Variants in ZEB2 observed in about 807,000 individuals in gnomAD.
ZEB2 encodes the protein zinc finger E-box-binding homeobox 2.
In ZEB2, 6 loss-of-function variants were observed where a neutral mutation model predicts 99.9. The ratio of observed to expected loss-of-function variants is 0.06; its 90% CI spans 0.03 to 0.12. ZEB2 has a LOEUF of 0.12. Ranked by LOEUF, ZEB2 falls within the 10% of genes least tolerant of loss-of-function variation. The pLI is 1.00. For synonymous variants in ZEB2, 517 were observed against 542.5 expected, an observed-to-expected ratio of 0.95 and a Z score of 0.65; for missense variants, 969 against 1,502.8, an observed-to-expected ratio of 0.64 and a Z score of 5.87.
At position 144,385,139 on chromosome 2, in the gene ZEB2, T is replaced by C. The variant is rs940242232; in HGVS notation, c.*4312A>G. ...TTCAGAATTTATAGGAGTGCTTATA[T>C]AAGCGATAATAATTGGACCAGTGTC... is the stretch of plus-strand genomic sequence containing the variant. On this transcript the variant is annotated 3_prime_UTR_variant, in exon 10 of 10. Coordinates refer to ENST00000627532, the MANE Select transcript of ZEB2 (RefSeq NM_014795.4). 3 of 152,192 alleles carry C rather than the reference T, an allele frequency of 2.0e-5. No individual in the cohort carries two copies. The South Asian group carries it at 6.2e-4, about 31-fold the overall frequency. The allele number at this position is 152,192 out of a possible 1,614,324, so 9.4% of individuals were successfully genotyped here.
At chr2:144,434,802 T>C (rs1703815977) in intron 2 of ZEB2, among the ~76,000 whole-genome samples, 1 of 152,176 alleles carries the variant, frequency 6.6e-6, no homozygotes, top group African/African-American at 2.4e-5. Flanking sequence ...TTGGAAACAA[T>C]AGAGATAAAG....
At chr2:144,411,478 A>G (rs1225908432) in intron 4 of ZEB2, among the ~76,000 whole-genome samples, 1 of 152,212 alleles carries the variant, frequency 6.6e-6, no homozygotes, top group Non-Finnish European at 1.5e-5. Flanking sequence ...CATCATTAAA[A>G]GTGCATGTAT....
At chr2:144,504,549 T>G (rs1017657985) in intron 2 of ZEB2, 3 of 152,192 alleles carry the variant, frequency 2.0e-5, no homozygotes, top group South Asian at 2.1e-4. Context: ...CTGGGCTGAT[T>G]TGATGCAAAT....
intron 2 of ZEB2, among the ~76,000 whole-genome samples, chr2:144,460,848 C>G (rs758616905): frequency 4.6e-5 from 7 of 151,976 alleles, no homozygotes; most frequent in Admixed American, 2.6e-4. Context: ...GACAATCTGT[C>G]TGCCAAAAAT....
intron 2 of ZEB2, among the ~76,000 whole-genome samples, chr2:144,507,735 T>G (rs926998256): frequency 3.9e-5 from 6 of 152,216 alleles, no homozygotes; most frequent in African/African-American, 1.2e-4. Context: ...GACACAGTGA[T>G]CATCTTCCTT....
intron 2 of ZEB2, among the ~76,000 whole-genome samples, chr2:144,488,053 C>T (rs1025220374): frequency 6.6e-6 from 1 of 152,182 alleles, no homozygotes; most frequent in Non-Finnish European, 1.5e-5. Flanking sequence ...ATGGATGTAT[C>T]TAAAGCCAGG....
intron 5 of ZEB2, 56 bp from the exon 6 acceptor site, chr2:144,404,186 G>T: frequency 6.3e-7 from 1 of 1,585,214 alleles, no homozygotes; most frequent in Non-Finnish European, 8.6e-7. Flanking sequence ...GTAAATCAAT[G>T]GCAGCTAATG....
At chr2:144,446,741 G>A (rs1317424277) in intron 2 of ZEB2, among the ~76,000 whole-genome samples, 1 of 151,904 alleles carries the variant, frequency 6.6e-6, no homozygotes, top group African/African-American at 2.4e-5. Flanking sequence ...TTGGCTGGAC[G>A]CGGTGGCTCA....
chr2:144,486,165 A>G (rs765426439), intron 2 of ZEB2, among the ~76,000 whole-genome samples: 11 of 152,152 alleles, frequency 7.2e-5, no homozygotes, highest in Non-Finnish European at 1.5e-4. Flanking sequence ...ACAAAATTTT[A>G]TATTTGGCTG....
chr2:144,400,381 C>A, intron 7 of ZEB2, 111 bp from the exon 8 acceptor site: 1 of 1,177,124 alleles, frequency 8.5e-7, no homozygotes. Context: ...AATGGGGTAC[C>A]TCTACATTCT....
intron 6 of ZEB2, 52 bp from the exon 7 acceptor site, chr2:144,401,359 A>G (rs754216915): frequency 6.3e-7 from 1 of 1,576,504 alleles, no homozygotes; most frequent in African/African-American, 1.3e-5. Context: ...AACAAAGAAA[A>G]TTTGTTACAA....
At chr2:144,402,380 A>C (rs1035717341) in intron 6 of ZEB2, among the ~76,000 whole-genome samples, 4 of 152,114 alleles carry the variant, frequency 2.6e-5, no homozygotes, top group Non-Finnish European at 5.9e-5. Flanking sequence ...CATGGGACAC[A>C]GGGAGGTTTG....
intron 2 of ZEB2, chr2:144,462,205 A>G (rs1704203397): frequency 6.6e-6 from 1 of 152,164 alleles, no homozygotes. Context: ...GCCTCGTTTT[A>G]ATTATAATCC....
chr2:144,443,034 T>C (rs530858046), intron 2 of ZEB2, among the ~76,000 whole-genome samples: 1 of 152,270 alleles, frequency 6.6e-6, no homozygotes, highest in Admixed American at 6.5e-5. Context: ...CAGTCCCTTA[T>C]CAATGTAGAT....
chr2:144,465,674 A>T (rs1704261772), intron 2 of ZEB2, among the ~76,000 whole-genome samples: 1 of 152,330 alleles, frequency 6.6e-6, no homozygotes, highest in Non-Finnish European at 1.5e-5. Context: ...TTAACAAGCA[A>T]GTGTGTAACA....
chr2:144,512,103 C>A (rs746229221), intron 2 of ZEB2: 120 of 1,287,042 alleles, frequency 9.3e-5, no homozygotes, highest in Middle Eastern at 3.2e-4. Context: ...AGTGGACACC[C>A]CAGCACCATT....
intron 2 of ZEB2, among the ~76,000 whole-genome samples, chr2:144,459,688 T>TA (rs1018963404): frequency 1.3e-5 from 2 of 152,206 alleles, no homozygotes; most frequent in Non-Finnish European, 2.9e-5. Context: ...TTATTATTTC[T>TA]AAAAAATCTT....
At chr2:144,500,390 C>T (rs1420569009) in intron 2 of ZEB2, among the ~76,000 whole-genome samples, 2 of 152,108 alleles carry the variant, frequency 1.3e-5, no homozygotes, top group African/African-American at 2.4e-5. Context: ...AGTAACTGTA[C>T]AATTTTTTTC....
intron 2 of ZEB2, among the ~76,000 whole-genome samples, chr2:144,477,229 T>A (rs889907968): frequency 3.9e-5 from 6 of 152,206 alleles, no homozygotes; most frequent in African/African-American, 9.6e-5. Flanking sequence ...TTAGAATGTT[T>A]AAATATTAAT....
Sources: allele counts gnomAD v4.1 joint callset (sites outside exome capture counted in the v4.1 genomes callset), GRCh38; gene constraint gnomAD v4.1.1; transcripts MANE v1.5; gene names NCBI Gene and HGNC (gene_info 2026-07-23, HGNC 2026-07-21).